The following NRG3 variants were observed in gnomAD, a reference collection of about 807,000 sequenced individuals.
NRG3 encodes pro-neuregulin-3, membrane-bound isoform.
Under a neutral mutation model 66.9 loss-of-function variants are expected in NRG3, and 31 were observed. The ratio of observed to expected loss-of-function variants is 0.46; its 90% CI spans 0.35 to 0.63. The LOEUF (loss-of-function observed/expected upper bound fraction) is 0.63, where lower values mean the gene tolerates loss of function less well. NRG3 is among the 20% of genes least tolerant of loss of function. The pLI is 0.00. For missense variants in NRG3, 910 were observed against 878.9 expected (o/e 1.04, Z -0.45); for synonymous variants, 393 against 359.4 (o/e 1.09, Z -1.06).
At chr10:82,780,438 A>G (rs1390043203) in intron 3 of NRG3, among the ~76,000 whole-genome samples, 3 of 142,196 alleles carry the variant, frequency 2.1e-5, no homozygotes, top group Admixed American at 2.1e-4. Context: ...TAATTCTAAC[A>G]TTCTGTCATC....
chr10:82,767,920 A>C (rs1317909675), intron 3 of NRG3, among the ~76,000 whole-genome samples: 1 of 151,204 alleles, frequency 6.6e-6, no homozygotes, highest in Non-Finnish European at 1.5e-5. Context: ...CATGTTTAAG[A>C]GTAAAGTATG....
intron 3 of NRG3, among the ~76,000 whole-genome samples, chr10:82,774,709 C>G (rs1231757592): frequency 1.3e-5 from 2 of 150,168 alleles, no homozygotes; most frequent in Non-Finnish European, 3.0e-5. Flanking sequence ...TTTACTTTTT[C>G]AAAGAAACAA....
chr10:82,337,070 C>T (rs1226505010), intron 1 of NRG3, among the ~76,000 whole-genome samples: 1 of 152,112 alleles, frequency 6.6e-6, no homozygotes, highest in Non-Finnish European at 1.5e-5. Flanking sequence ...ATCTTAACTA[C>T]TGAGCCATAT....
intron 3 of NRG3, among the ~76,000 whole-genome samples, chr10:82,779,110 C>T (rs547990564): frequency 6.6e-6 from 1 of 152,084 alleles, no homozygotes; most frequent in Non-Finnish European, 1.5e-5. Context: ...ACAGTAGCAG[C>T]ACGGACCACA....
chr10:82,809,138 C>T (rs2135490117), intron 3 of NRG3, among the ~76,000 whole-genome samples: 1 of 152,150 alleles, frequency 6.6e-6, no homozygotes, highest in South Asian at 2.1e-4. Context: ...CATGAGAAGC[C>T]ATTAAAGAGC....
At chr10:82,283,159 A>G (rs960887033) in intron 1 of NRG3, among the ~76,000 whole-genome samples, 1 of 151,958 alleles carries the variant, frequency 6.6e-6, no homozygotes, top group Non-Finnish European at 1.5e-5. Context: ...ACAAAGAGGA[A>G]GAAAGTGAGA....
At chr10:82,637,101 C>T (rs924711758) in intron 2 of NRG3, among the ~76,000 whole-genome samples, 16 of 152,036 alleles carry the variant, frequency 1.1e-4, no homozygotes, top group East Asian at 7.7e-4. Flanking sequence ...CTATGTGAGA[C>T]GATTTGTTTC....
chr10:81,978,537 G>A (rs930565012), intron 1 of NRG3, among the ~76,000 whole-genome samples: 29 of 152,100 alleles, frequency 1.9e-4, no homozygotes, highest in African/African-American at 6.0e-4. Flanking sequence ...ACACTGTAGC[G>A]TTGTTTATAG....
chr10:82,235,267 A>G (rs923368008), intron 1 of NRG3, among the ~76,000 whole-genome samples: 4 of 152,178 alleles, frequency 2.6e-5, no homozygotes, highest in African/African-American at 7.2e-5. Context: ...GTTGATGGAT[A>G]TTGATGGTGG....
intron 2 of NRG3, among the ~76,000 whole-genome samples, chr10:82,707,581 A>G (rs1013866976): frequency 6.6e-5 from 10 of 150,802 alleles, no homozygotes; most frequent in South Asian, 2.1e-4. Context: ...TTTTGTAGAG[A>G]CAGGGACTTA....
intron 2 of NRG3, among the ~76,000 whole-genome samples, chr10:82,683,927 G>T (rs1565199875): frequency 6.6e-6 from 1 of 152,000 alleles, no homozygotes; most frequent in Non-Finnish European, 1.5e-5. Flanking sequence ...CTGTTTTATG[G>T]AAAAAAGCCC....
chr10:82,425,109 A>G (rs530111004), intron 2 of NRG3, among the ~76,000 whole-genome samples: 10 of 152,076 alleles, frequency 6.6e-5, no homozygotes, highest in African/African-American at 2.4e-4. Flanking sequence ...CTTTCTCAAG[A>G]TTGTTTGGTT....
chr10:82,156,918 G>C (rs528728975), intron 1 of NRG3, among the ~76,000 whole-genome samples: 2 of 151,608 alleles, frequency 1.3e-5, no homozygotes, highest in African/African-American at 4.8e-5. Context: ...TCATACATGG[G>C]GTTCCCATGG....
intron 4 of NRG3, among the ~76,000 whole-genome samples, chr10:82,887,043 A>T (rs1190154437): frequency 6.6e-6 from 1 of 152,230 alleles, no homozygotes; most frequent in South Asian, 2.1e-4. Flanking sequence ...GAAATGTCTC[A>T]CGCAGTCATT....
intron 2 of NRG3, among the ~76,000 whole-genome samples, chr10:82,672,415 A>G (rs1021079156): frequency 5.3e-5 from 8 of 152,188 alleles, no homozygotes; most frequent in Non-Finnish European, 7.3e-5. Flanking sequence ...GGTGATAGAC[A>G]TGATCAGATT....
intron 2 of NRG3, among the ~76,000 whole-genome samples, chr10:82,704,248 C>T (rs2056121429): frequency 6.6e-6 from 1 of 152,146 alleles, no homozygotes; most frequent in Non-Finnish European, 1.5e-5. Context: ...CACACACACT[C>T]ACACACAAAC....
chr10:82,084,100 T>C (rs1239214260), intron 1 of NRG3, among the ~76,000 whole-genome samples: 3 of 151,822 alleles, frequency 2.0e-5, no homozygotes, highest in African/African-American at 7.2e-5. Flanking sequence ...TGGTGGCGTG[T>C]GCCTGTAGTC....
intron 2 of NRG3, among the ~76,000 whole-genome samples, chr10:82,563,677 T>C (rs539943226): frequency 6.6e-6 from 1 of 152,184 alleles, no homozygotes; most frequent in East Asian, 1.9e-4. Flanking sequence ...GATGTTTTGA[T>C]TTGTGTGCTA....
At chr10:82,893,520 T>G (rs1843365965) in intron 4 of NRG3, among the ~76,000 whole-genome samples, 1 of 152,114 alleles carries the variant, frequency 6.6e-6, no homozygotes, top group African/African-American at 2.4e-5. Context: ...AAACCCCGTC[T>G]CTACTAAAAC....
Sources: gnomAD v4.1 joint callset for allele counts (sites outside exome capture counted in the v4.1 genomes callset) on GRCh38, gnomAD v4.1.1 for gene constraint, MANE v1.5 for transcripts, NCBI Gene and HGNC (gene_info 2026-07-23, HGNC 2026-07-21) for gene names.